The following MTA3 variants were observed in gnomAD, a reference collection of about 807,000 sequenced individuals.
MTA3 encodes metastasis associated 1 family member 3, also known as metastasis-associated protein MTA3.
MTA3 carries 34 observed loss-of-function variants against 83.5 expected under a neutral mutation model. That is an observed-to-expected ratio of 0.41 (90% CI 0.31 to 0.54). The LOEUF (loss-of-function observed/expected upper bound fraction) is 0.54. Among genes scored for constraint, MTA3 ranks in the 20% least tolerant of loss-of-function variants. The pLI is 0.33. For missense variants in MTA3, 761 were observed against 726.4 expected (o/e 1.05, Z -0.55); for synonymous variants, 303 against 252.7 (o/e 1.20, Z -1.89).
chr2:42,509,993 C>T (rs993100626), intron 2 of MTA3, among the ~76,000 whole-genome samples: 1 of 151,950 alleles, frequency 6.6e-6, no homozygotes, highest in Admixed American at 6.6e-5. Flanking sequence ...GCACTGCTTT[C>T]CCCCCATACC....
chr2:42,666,284 C>G (rs1422408884), intron 8 of MTA3, among the ~76,000 whole-genome samples: 1 of 152,040 alleles, frequency 6.6e-6, no homozygotes, highest in African/African-American at 2.4e-5. Flanking sequence ...CTGAAAAAAA[C>G]AAAACAAAAC....
chr2:42,584,573 C>G (rs1398579609), intron 3 of MTA3, among the ~76,000 whole-genome samples: 1 of 150,800 alleles, frequency 6.6e-6, no homozygotes, highest in Admixed American at 6.6e-5. Context: ...TGGAGTCTAG[C>G]TCTGTTGCCC....
At chr2:42,606,199 AC>A (rs372470221) in intron 3 of MTA3, among the ~76,000 whole-genome samples, 71,352 of 96,602 alleles carry the variant, frequency 0.74, 25,356 homozygotes, top group Middle Eastern at 0.85. Context: ...CGGGGGGCTG[AC>A]CCCCCCCCAC....
chr2:42,604,099 T>C (rs547447276), intron 3 of MTA3, among the ~76,000 whole-genome samples: 1 of 151,440 alleles, frequency 6.6e-6, no homozygotes, highest in African/African-American at 2.4e-5. Context: ...TGGAGTGCAA[T>C]GGCGTGATCT....
intron 4 of MTA3, among the ~76,000 whole-genome samples, chr2:42,637,072 G>A (rs566418030): frequency 1.3e-4 from 20 of 152,354 alleles, no homozygotes; most frequent in East Asian, 1.9e-4. Flanking sequence ...AGCGCCTGCT[G>A]TTGAACGTGT....
chr2:42,532,843 G>C (rs1676041230), intron 2 of MTA3: 3 of 387,960 alleles, frequency 7.7e-6, no homozygotes, highest in Non-Finnish European at 1.5e-5. Flanking sequence ...TCTCTGGGTG[G>C]AGCTGGCTGG....
chr2:42,677,163 T>C (rs778444123), intron 8 of MTA3, among the ~76,000 whole-genome samples: 2 of 152,134 alleles, frequency 1.3e-5, no homozygotes, highest in South Asian at 2.1e-4. Flanking sequence ...ATAAAAGATA[T>C]GTGACTGTGC....
intron 4 of MTA3, among the ~76,000 whole-genome samples, chr2:42,631,901 G>A (rs1249063475): frequency 6.6e-6 from 1 of 151,952 alleles, no homozygotes; most frequent in Non-Finnish European, 1.5e-5. Flanking sequence ...TGTTGGCCAG[G>A]CTGGTCTTGA....
intron 8 of MTA3, among the ~76,000 whole-genome samples, chr2:42,675,560 G>A (rs6753406): frequency 0.29 from 44,815 of 151,946 alleles, 7,007 homozygotes; most frequent in East Asian, 0.57. Context: ...ACCACTAGAT[G>A]GTAAAGAACA....
rs114177738 is a variant in MTA3 at position 42,581,528 on chromosome 2, G to A, written c.190+2328G>A. ...GCTGGGAGTACAGGCGCATCTCACC[G>A]TGCCTAGCTAATTAAAAAACTTTTT... On this transcript the variant is annotated intron_variant, in intron 3 of 16. Coordinates refer to ENST00000405094, the MANE Select transcript of MTA3 (RefSeq NM_001330442.2). Among the ~76,000 whole-genome samples, 1,310 of 151,126 alleles carry A rather than the reference G, an allele frequency of 8.7e-3. 18 individuals carry two copies. The highest frequency in any genetic ancestry group is 0.029 in the African/African-American group (1,198 of 41,186).
intron 2 of MTA3, among the ~76,000 whole-genome samples, chr2:42,552,703 G>T (rs1403813017): frequency 6.6e-6 from 1 of 151,940 alleles, no homozygotes; most frequent in Non-Finnish European, 1.5e-5. Context: ...TGTAATTCCA[G>T]CATTTTGTGA....
chr2:42,661,671 C>CA (rs1335959094), intron 8 of MTA3, among the ~76,000 whole-genome samples: 5 of 151,746 alleles, frequency 3.3e-5, no homozygotes, highest in African/African-American at 1.2e-4. Flanking sequence ...CAGCAGCAGC[C>CA]AAAAAAAGCT....
At chr2:42,621,452 G>A (rs1198194440) in intron 4 of MTA3, among the ~76,000 whole-genome samples, 5 of 152,206 alleles carry the variant, frequency 3.3e-5, no homozygotes, top group Non-Finnish European at 7.3e-5. Flanking sequence ...TTGGGAGTAA[G>A]GTCATAGATC....
chr2:42,499,902 A>C (rs1171559889), intron 2 of MTA3, among the ~76,000 whole-genome samples: 1 of 152,144 alleles, frequency 6.6e-6, no homozygotes, highest in Non-Finnish European at 1.5e-5. Context: ...AGTTGTATAC[A>C]TGAAATATGT....
chr2:42,708,503 C>G (rs1315189335), intron 13 of MTA3, among the ~76,000 whole-genome samples: 1 of 152,146 alleles, frequency 6.6e-6, no homozygotes, highest in Admixed American at 6.5e-5. Flanking sequence ...TCCTCATAGG[C>G]TGAAGATGCC....
At chr2:42,588,284 G>A (rs1310077886) in intron 3 of MTA3, among the ~76,000 whole-genome samples, 8 of 152,130 alleles carry the variant, frequency 5.3e-5, no homozygotes, top group Non-Finnish European at 2.9e-5. Flanking sequence ...GATCAGAATG[G>A]TGGAGTTTTA....
At position 42,548,810 on chromosome 2, in the gene MTA3, AAT is replaced by A. The variant is rs1187612034; in HGVS notation, c.-140-21609_-140-21608del. 3.3e-4 allele frequency among the ~76,000 whole-genome samples: 22 copies of A among 66,488 alleles called. 2 individuals carry two copies. The highest frequency in any genetic ancestry group is 2.5e-3 in the East Asian group (7 of 2,824). The allele number at this position is 66,488 out of a possible 152,430, so 43.6% of individuals were successfully genotyped here. A position where few individuals can be genotyped will look rare whatever the true frequency, so the allele number is the denominator to read the frequency against. On this transcript the variant is annotated intron_variant, in intron 2 of 17. Transcript: ENST00000405592. ...AGAGTGAGACCCTGTCTCAAAAAAA[AAT>A]ATATATATATATATATAATATATAT...
intron 4 of MTA3, among the ~76,000 whole-genome samples, chr2:42,631,969 C>A (rs868564062): frequency 6.6e-6 from 1 of 152,098 alleles, no homozygotes; most frequent in South Asian, 2.1e-4. Context: ...GGATTACAGG[C>A]ATGAGCCACC....
intron 3 of MTA3, among the ~76,000 whole-genome samples, chr2:42,586,537 A>G (rs1191178050): frequency 3.5e-5 from 2 of 56,992 alleles, no homozygotes; most frequent in Non-Finnish European, 7.3e-5. Context: ...AAGGAAAAAC[A>G]CACACACACA....
Sources: gnomAD v4.1 joint callset for allele counts (sites outside exome capture counted in the v4.1 genomes callset) on GRCh38, gnomAD v4.1.1 for gene constraint, MANE v1.5 for transcripts, NCBI Gene and HGNC (gene_info 2026-07-23, HGNC 2026-07-21) for gene names.